The following TSHZ2 variants were observed in gnomAD, a reference collection of about 807,000 sequenced individuals.
TSHZ2 encodes the protein teashirt zinc finger homeobox 2.
Under a neutral mutation model 74.4 loss-of-function variants are expected in TSHZ2, and 21 were observed. The ratio of observed to expected loss-of-function variants is 0.28; its 90% confidence interval spans 0.20 to 0.41. The LOEUF (loss-of-function observed/expected upper bound fraction) is 0.41, where lower values mean the gene tolerates loss of function less well. Ranked by LOEUF, TSHZ2 falls within the 10% of genes least tolerant of loss-of-function variation. The pLI is 1.00. For synonymous variants in TSHZ2, 540 were observed against 515.3 expected (o/e 1.05, Z -0.65); for missense variants, 1,244 against 1,293.5 (o/e 0.96, Z 0.59).
chr20:53,080,796 C>T (rs541893632), intron 1 of TSHZ2, among the ~76,000 whole-genome samples: 16 of 152,112 alleles, frequency 1.1e-4, no homozygotes. Context: ...GCTGGGGACA[C>T]CTGCTTTAGA....
At position 53,001,590 on chromosome 20, in the gene TSHZ2, G is replaced by A. The variant is rs140304937; in HGVS notation, c.40+28257G>A. Among the ~76,000 whole-genome samples the A allele has an allele frequency of 1.7e-3, 261 of 152,188 alleles. 2 individuals carry two copies. Among genetic ancestry groups the A allele is most frequent in the East Asian group, 0.013 (67 of 5,180 alleles). On this transcript the variant is annotated intron_variant, in intron 1 of 2. Coordinates refer to ENST00000371497, the MANE Select transcript of TSHZ2 (RefSeq NM_173485.6). ...CTAGCTTTTTCAAGAATAAGGAAGC[G>A]AAAAAATCACCTGTCTCATTTATCA...
intron 2 of TSHZ2, among the ~76,000 whole-genome samples, chr20:53,268,707 C>T (rs1250630688): frequency 6.6e-6 from 1 of 152,196 alleles, no homozygotes; most frequent in African/African-American, 2.4e-5. Flanking sequence ...AGGTTGCTCA[C>T]CTGTTGACTG....
At chr20:53,433,910 C>A (rs57854626) in intron 2 of TSHZ2, among the ~76,000 whole-genome samples, 2 of 152,036 alleles carry the variant, frequency 1.3e-5, no homozygotes, top group African/African-American at 4.8e-5. Flanking sequence ...ACTCTGTTGC[C>A]CAGGCTGGAG....
At chr20:53,084,500 T>G (rs908685289) in intron 1 of TSHZ2, among the ~76,000 whole-genome samples, 4 of 152,248 alleles carry the variant, frequency 2.6e-5, no homozygotes, top group Non-Finnish European at 5.9e-5. Context: ...TCTATCAGTT[T>G]GGTTAGTGAG....
At chr20:53,105,193 G>A (rs982118617) in intron 1 of TSHZ2, among the ~76,000 whole-genome samples, 11 of 152,154 alleles carry the variant, frequency 7.2e-5, no homozygotes, top group African/African-American at 1.7e-4. Flanking sequence ...CTCATTTCGT[G>A]GCCACGTGAA....
chr20:53,037,695 A>G (rs1365270685), intron 1 of TSHZ2, among the ~76,000 whole-genome samples: 2 of 152,174 alleles, frequency 1.3e-5, no homozygotes, highest in Non-Finnish European at 2.9e-5. Context: ...GAATTCTATG[A>G]ATGAAGCTTT....
At chr20:53,330,368 G>A (rs1179485355) in intron 2 of TSHZ2, among the ~76,000 whole-genome samples, 1 of 152,180 alleles carries the variant, frequency 6.6e-6, no homozygotes, top group Non-Finnish European at 1.5e-5. Context: ...GAGGTGATAT[G>A]TAGGCTTTTT....
intron 1 of TSHZ2, among the ~76,000 whole-genome samples, chr20:52,977,367 C>T (rs927757583): frequency 4.6e-5 from 7 of 151,658 alleles, no homozygotes; most frequent in African/African-American, 1.7e-4. Flanking sequence ...ATATCTCACG[C>T]GATGGATTCC....
intron 1 of TSHZ2, among the ~76,000 whole-genome samples, chr20:53,108,871 C>T (rs1019239279): frequency 3.9e-5 from 6 of 152,080 alleles, no homozygotes; most frequent in Non-Finnish European, 8.8e-5. Flanking sequence ...GTCCCTGGTT[C>T]GCCAACAATT....
intron 1 of TSHZ2, among the ~76,000 whole-genome samples, chr20:53,104,416 C>T (rs1220876110): frequency 2.1e-4 from 32 of 152,174 alleles, no homozygotes; most frequent in Admixed American, 2.0e-3. Context: ...GTACTTTTCA[C>T]TTGCATTTTA....
At chr20:53,349,266 C>A (rs1373175660) in intron 2 of TSHZ2, among the ~76,000 whole-genome samples, 1 of 152,224 alleles carries the variant, frequency 6.6e-6, no homozygotes. Flanking sequence ...GTTAATAATA[C>A]ATAAGCCAAG....
intron 1 of TSHZ2, among the ~76,000 whole-genome samples, chr20:53,054,491 G>C (rs1040979277): frequency 6.6e-6 from 1 of 152,144 alleles, no homozygotes; most frequent in Non-Finnish European, 1.5e-5. Context: ...GTGAACAAAA[G>C]CAAATCCGCA....
At chr20:53,403,840 C>A (rs1234398096) in intron 2 of TSHZ2, among the ~76,000 whole-genome samples, 1 of 152,184 alleles carries the variant, frequency 6.6e-6, no homozygotes, top group African/African-American at 2.4e-5. Context: ...CCTCTTCTGG[C>A]ACAGTTTGGC....
rs1980683485 is a variant in TSHZ2, at chr20:53,352,396, A to G, written c.*8+95825A>G. Among the ~76,000 whole-genome samples the G allele has an allele frequency of 3.3e-5, 5 of 151,952 alleles. No individual in the cohort carries two copies. In the South Asian group the frequency reaches 1.0e-3, roughly 32 times the overall value. On this transcript the variant is annotated intron_variant, in intron 2 of 2. Transcript: ENST00000371497. ...GTCCAATGAGGAAATAGTCTTATAA[A>G]CTAAGTTAGGCTAAATTGTTAATAG...
chr20:52,997,006 A>T (rs1009343171), intron 1 of TSHZ2, among the ~76,000 whole-genome samples: 1 of 151,582 alleles, frequency 6.6e-6, no homozygotes, highest in African/African-American at 2.4e-5. Context: ...AGCTCGCTCA[A>T]GCACGAGGGG....
chr20:53,064,728 C>T (rs1984925354), intron 1 of TSHZ2, among the ~76,000 whole-genome samples: 1 of 151,898 alleles, frequency 6.6e-6, no homozygotes. Flanking sequence ...AGCCTTTTCT[C>T]GTCAGTTTTA....
At chr20:53,380,343 AT>A (rs1981814116) in intron 2 of TSHZ2, among the ~76,000 whole-genome samples, 1 of 152,234 alleles carries the variant, frequency 6.6e-6, no homozygotes, top group African/African-American at 2.4e-5. Context: ...CAAAATAAAA[AT>A]ATACTCAATA....
intron 1 of TSHZ2, among the ~76,000 whole-genome samples, chr20:53,032,510 G>A (rs879655542): frequency 6.6e-6 from 1 of 152,170 alleles, no homozygotes; most frequent in Non-Finnish European, 1.5e-5. Context: ...AATATCATCA[G>A]GGCCATCAGT....
intron 1 of TSHZ2, among the ~76,000 whole-genome samples, chr20:53,038,354 C>CT (rs902825695): frequency 5.3e-5 from 8 of 151,876 alleles, no homozygotes; most frequent in Admixed American, 5.2e-4. Context: ...TCCCAGCTAA[C>CT]TTGGGCCTTA....
Sources: allele counts gnomAD v4.1 joint callset (sites outside exome capture counted in the v4.1 genomes callset), GRCh38; gene constraint gnomAD v4.1.1; transcripts MANE v1.5; gene names NCBI Gene and HGNC (gene_info 2026-07-23, HGNC 2026-07-21).